The following PARP16 variants were observed in gnomAD, a reference collection of about 807,000 sequenced individuals.
PARP16 encodes poly(ADP-ribose) polymerase family member 16, also known as protein mono-ADP-ribosyltransferase PARP16.
Under a neutral mutation model 35.0 loss-of-function variants are expected in PARP16, and 31 were observed. The ratio of observed to expected loss-of-function variants is 0.88; its 90% CI spans 0.66 to 1.19. The LOEUF (loss-of-function observed/expected upper bound fraction) is 1.19. PARP16 is among the 50% of genes most tolerant of loss of function. The probability of loss-of-function intolerance (pLI) is 0.00; values close to 1 mark genes in which losing one functional copy is unlikely to be tolerated. For synonymous variants in PARP16, 162 were observed against 169.5 expected, an observed-to-expected ratio of 0.96 and a Z score of 0.34; for missense variants, 424 against 411.2, an observed-to-expected ratio of 1.03 and a Z score of -0.27.
intron 3 of PARP16, among the ~76,000 whole-genome samples, chr15:65,240,307 T>TGGG (rs1415684617): frequency 1.4e-5 from 1 of 70,456 alleles, no homozygotes; most frequent in African/African-American, 3.7e-5. Flanking sequence ...TGTGTGTGTG[T>TGGG]GTGGTGGGGG....
chr15:65,255,358 A>C (rs919455826), downstream of PARP16, among the ~76,000 whole-genome samples: 1 of 152,212 alleles, frequency 6.6e-6, no homozygotes, highest in African/African-American at 2.4e-5. Flanking sequence ...TTTTAAGAAA[A>C]ATTAGAAGAA....
rs1555423774 is a variant in PARP16 at position 65,269,176 on chromosome 15, T to TTTCTTTCTTTCTTTCTTTCTTTCTTTC, written c.312+1758_312+1759insGAAAGAAAGAAAGAAAGAAAGAAAGAA. Among the ~76,000 whole-genome samples the TTTCTTTCTTTCTTTCTTTCTTTCTTTC allele has an allele frequency of 1.1e-4, 16 of 146,156 alleles. No homozygotes were observed. The East Asian group carries it at 2.8e-3, about 25-fold the overall frequency. On this transcript the variant is annotated intron_variant, in intron 2 of 5. Coordinates refer to ENST00000649807, the MANE Select transcript of PARP16 (RefSeq NM_001316943.2). ...ACACCTGGCCCATTTTAGTCGGTTT[T>TTTCTTTCTTTCTTTCTTTCTTTCTTTC]TTTCTTTCTTTCTTTCTTTCTTTCT...
At chr15:65,273,188 G>T (rs2090142663) in intron 1 of PARP16, among the ~76,000 whole-genome samples, 1 of 147,456 alleles carries the variant, frequency 6.8e-6, no homozygotes, top group Non-Finnish European at 1.5e-5. Flanking sequence ...CAAGGTAAAA[G>T]AATCACTTGA....
intron 3 of PARP16, among the ~76,000 whole-genome samples, chr15:65,265,317 T>C (rs1567025009): frequency 1.3e-5 from 2 of 152,228 alleles, no homozygotes; most frequent in African/African-American, 2.4e-5. Context: ...TTTGCATACA[T>C]GAACTGTTTT....
chr15:65,240,769 G>T (rs963938449), intron 3 of PARP16, among the ~76,000 whole-genome samples: 1 of 152,094 alleles, frequency 6.6e-6, no homozygotes, highest in African/African-American at 2.4e-5. Context: ...TAAATACCTA[G>T]GAGAGAAGTG....
chr15:65,277,122 C>T (rs961524627), intron 1 of PARP16, among the ~76,000 whole-genome samples: 1 of 152,030 alleles, frequency 6.6e-6, no homozygotes, highest in Non-Finnish European at 1.5e-5. Context: ...CTTAACAGTA[C>T]CTCCTGCCAC....
At chr15:65,285,541 T>C in intron 1 of PARP16, 3 of 389,722 alleles carry the variant, frequency 7.7e-6, no homozygotes, top group Non-Finnish European at 1.0e-5. Context: ...TGCTCTTCCA[T>C]GGCAAGGAAG....
chr15:65,266,603 G>T lies in PARP16; in HGVS notation c.478C>A (p.His160Asn). The T allele has an allele frequency of 6.2e-7, 1 of 1,614,144 alleles. No individual in the cohort carries two copies. The highest frequency in any genetic ancestry group is 1.1e-5 in the South Asian group (1 of 91,080). Reference protein sequence around the residue: ...AFHGSRLENFHSIIHNGLHCH... With the variant: ...AFHGSRLENFNSIIHNGLHCH... The stretch of plus-strand genomic sequence containing the variant: ...TGCAGGCCATTGTGGATAATGGAAT[G>T]GAAGTTTTCTAGGCGGCTACCATGA... Residue 160 changes from histidine to asparagine, a missense_variant, in exon 3 of 6, where the codon CAT becomes AAT. Physicochemically the swap from His to Asn is moderately conservative, Grantham distance 68. Coordinates refer to ENST00000649807, the MANE Select transcript of PARP16 (RefSeq NM_001316943.2).
intron 1 of PARP16, among the ~76,000 whole-genome samples, chr15:65,276,494 C>T (rs2140946065): frequency 6.6e-6 from 1 of 152,260 alleles, no homozygotes; most frequent in African/African-American, 2.4e-5. Flanking sequence ...CCACCTCAGC[C>T]TCCAGAGTAG....
At chr15:65,257,939 C>T (rs550595349), downstream of PARP16, among the ~76,000 whole-genome samples, 1 of 152,188 alleles carries the variant, frequency 6.6e-6, no homozygotes, top group East Asian at 1.9e-4. Context: ...AAGTCATTAA[C>T]TAGAAATCCA....
At chr15:65,246,895 A>G (rs528587306) in intron 3 of PARP16, among the ~76,000 whole-genome samples, 5 of 152,314 alleles carry the variant, frequency 3.3e-5, no homozygotes, top group African/African-American at 4.8e-5. Flanking sequence ...TGTCTACTGA[A>G]CCCAACATTT....
intron 1 of PARP16, among the ~76,000 whole-genome samples, chr15:65,281,965 T>C (rs1240768489): frequency 1.3e-5 from 2 of 152,102 alleles, no homozygotes; most frequent in African/African-American, 4.8e-5. Context: ...TGACTGAAAA[T>C]GGTAAACTTT....
intron 3 of PARP16, among the ~76,000 whole-genome samples, chr15:65,239,529 G>A (rs1183549007): frequency 6.7e-6 from 1 of 148,278 alleles, no homozygotes; most frequent in East Asian, 2.0e-4. Flanking sequence ...AAGTTTTCTC[G>A]TGCTCCTTTG....
intron 1 of PARP16, among the ~76,000 whole-genome samples, chr15:65,278,283 C>A (rs1367510830): frequency 6.6e-6 from 1 of 152,252 alleles, no homozygotes; most frequent in Non-Finnish European, 1.5e-5. Context: ...CAACCTCCAC[C>A]AAAGGTGGTA....
In PARP16 at chr15:65,259,261, G is replaced by A. The variant is rs1164200514; in HGVS notation, c.*146C>T. ...GCTGGGAACATCATCAAAGGCAATG[G>A]ATACATTTAGGCCATATGAAAATTG... On this transcript the variant is annotated 3_prime_UTR_variant, in exon 6 of 6. Transcript: ENST00000649807. 1.5e-5 allele frequency: 11 copies of A among 720,808 alleles called. No individual in the cohort carries two copies. Among genetic ancestry groups the A allele is most frequent in the Non-Finnish European group, 2.7e-5 (11 of 409,250 alleles). 44.7% of individuals were successfully genotyped at this position (720,808 alleles called of 1,614,324 possible).
At chr15:65,282,907 G>T (rs1386183404) in intron 1 of PARP16, among the ~76,000 whole-genome samples, 1 of 152,062 alleles carries the variant, frequency 6.6e-6, no homozygotes, top group Admixed American at 6.6e-5. Context: ...TCTATCAGGG[G>T]CACTTTTACT....
Position 65,280,436 on chromosome 15 carries a change from C to CAA in PARP16, c.174+5815_174+5816dup, listed in dbSNP as rs11450302. Among the ~76,000 whole-genome samples, 333 of 60,868 alleles carry CAA rather than the reference C, an allele frequency of 5.5e-3. 5 individuals are homozygous for CAA. Among genetic ancestry groups the CAA allele is most frequent in the African/African-American group, 0.016 (300 of 19,010 alleles). The allele number at this position is 60,868 out of a possible 152,430, so 39.9% of individuals were successfully genotyped here. ...TGGGCAACAGAGCAAGAACTCGTCT[C>CAA]AAAAAAAAAAAAAAAAAAAATTAGC... On this transcript the variant is annotated intron_variant, in intron 1 of 5. Coordinates refer to ENST00000649807, the MANE Select transcript of PARP16 (RefSeq NM_001316943.2).
At chr15:65,243,827 C>T (rs1024999754) in intron 3 of PARP16, among the ~76,000 whole-genome samples, 3 of 151,902 alleles carry the variant, frequency 2.0e-5, no homozygotes, top group African/African-American at 7.3e-5. Context: ...CAGGGCCTTC[C>T]CCTCACTCCT....
At chr15:65,283,366 G>A (rs925786288) in intron 1 of PARP16, among the ~76,000 whole-genome samples, 10 of 152,014 alleles carry the variant, frequency 6.6e-5, no homozygotes, top group African/African-American at 2.4e-4. Flanking sequence ...TGCCACCACA[G>A]GTGTCTTTCT....
Sources: allele counts gnomAD v4.1 joint callset (sites outside exome capture counted in the v4.1 genomes callset), GRCh38; gene constraint gnomAD v4.1.1; transcripts MANE v1.5; gene names NCBI Gene and HGNC (gene_info 2026-07-23, HGNC 2026-07-21).